Variants in MBD5 observed in about 807,000 individuals in gnomAD.
MBD5 encodes the protein methyl-CpG binding domain protein 5.
A neutral mutation model predicts 117.3 loss-of-function variants in MBD5; 13 were observed. The observed-to-expected ratio is 0.11, with a 90% CI of 0.07 to 0.18. The LOEUF (loss-of-function observed/expected upper bound fraction) is 0.18. Among genes scored for constraint, MBD5 ranks in the 10% least tolerant of loss-of-function variants. The probability of loss-of-function intolerance (pLI) is 1.00; values close to 1 mark genes in which losing one functional copy is unlikely to be tolerated. For synonymous variants in MBD5, 727 were observed against 766.4 expected (o/e 0.95, Z 0.85); for missense variants, 1,879 against 2,093.8 (o/e 0.90, Z 2.00).
chr2:148,221,656 A>G (rs1699689970), intron 2 of MBD5, among the ~76,000 whole-genome samples: 1 of 152,044 alleles, frequency 6.6e-6, no homozygotes, highest in Admixed American at 6.6e-5. Context: ...TATTCTAGTT[A>G]TTAACCCCTA....
intron 1 of MBD5, among the ~76,000 whole-genome samples, chr2:148,163,421 A>C (rs1024380870): frequency 5.3e-5 from 8 of 152,118 alleles, no homozygotes; most frequent in Admixed American, 4.6e-4. Flanking sequence ...TTGAGAATTA[A>C]ATAACTTTTT....
At chr2:148,149,732 T>C (rs1176156663) in intron 1 of MBD5, among the ~76,000 whole-genome samples, 1 of 152,216 alleles carries the variant, frequency 6.6e-6, no homozygotes, top group East Asian at 1.9e-4. Context: ...GCTGCATAAA[T>C]GTCTTCTTTT....
intron 4 of MBD5, among the ~76,000 whole-genome samples, chr2:148,454,843 G>A (rs966432381): frequency 2.6e-5 from 4 of 152,056 alleles, no homozygotes; most frequent in African/African-American, 4.8e-5. Context: ...TTGAAAAAAA[G>A]CATATCAATG....
At chr2:148,155,866 G>T (rs548469391) in intron 1 of MBD5, among the ~76,000 whole-genome samples, 3 of 152,208 alleles carry the variant, frequency 2.0e-5, no homozygotes, top group Non-Finnish European at 4.4e-5. Context: ...CACATGGGAG[G>T]CTGGTAGCTC....
chr2:148,231,463 A>C (rs974343015), intron 2 of MBD5, among the ~76,000 whole-genome samples: 2 of 151,970 alleles, frequency 1.3e-5, no homozygotes, highest in Non-Finnish European at 2.9e-5. Context: ...TGTTTTTCCT[A>C]CCTGTTCAGT....
chr2:148,393,747 C>G (rs1019922166), intron 4 of MBD5, among the ~76,000 whole-genome samples: 1 of 152,114 alleles, frequency 6.6e-6, no homozygotes, highest in African/African-American at 2.4e-5. Flanking sequence ...AGTTTACCAA[C>G]TTTGATAGAC....
chr2:148,368,177 G>T (rs1456256191), intron 4 of MBD5, among the ~76,000 whole-genome samples: 1 of 152,066 alleles, frequency 6.6e-6, no homozygotes, highest in African/African-American at 2.4e-5. Flanking sequence ...TCCTCTGCAG[G>T]GTCATGGATG....
intron 8 of MBD5, chr2:148,481,884 A>G (rs1046290049): frequency 3.9e-5 from 6 of 152,154 alleles, no homozygotes; most frequent in Non-Finnish European, 8.8e-5. Context: ...AAATAAGTGA[A>G]ATTTTATCTT....
chr2:148,458,860 G>A lies in MBD5; in HGVS notation c.102G>A (p.Val34=). The change falls in exon 5 of 14, where the codon GTG becomes GTA. Residue 34 remains valine (V), a synonymous_variant. Transcript: ENST00000642680. ...GWQRRVDQNG[V]LYVSPSGSLL... is the part of the protein sequence containing the mutation. ...AGCGTCGTGTGGATCAAAATGGAGT[G>A]CTTTATGTCAGGTAAGTTCTTATTA... The A allele has an allele frequency of 6.2e-7, 1 of 1,612,702 alleles. No homozygotes were observed. Among genetic ancestry groups the A allele is most frequent in the Non-Finnish European group, 8.5e-7 (1 of 1,179,140 alleles).
intron 1 of MBD5, among the ~76,000 whole-genome samples, chr2:148,170,051 A>C (rs1698227319): frequency 1.3e-5 from 2 of 151,874 alleles, no homozygotes; most frequent in Non-Finnish European, 2.9e-5. Context: ...GCGCCCACCA[A>C]CACACCTGGC....
intron 1 of MBD5, among the ~76,000 whole-genome samples, chr2:148,163,446 A>G (rs910897535): frequency 4.0e-5 from 6 of 151,698 alleles, no homozygotes; most frequent in Non-Finnish European, 8.8e-5. Flanking sequence ...TTCAAGACGG[A>G]GTTTCGCTCT....
intron 3 of MBD5, among the ~76,000 whole-genome samples, chr2:148,316,348 G>A (rs942797638): frequency 6.6e-6 from 1 of 152,158 alleles, no homozygotes; most frequent in African/African-American, 2.4e-5. Flanking sequence ...GTATGAGTAG[G>A]TCTTGTAAAT....
intron 3 of MBD5, among the ~76,000 whole-genome samples, chr2:148,235,085 C>G (rs929033347): frequency 1.3e-5 from 2 of 152,084 alleles, no homozygotes; most frequent in Non-Finnish European, 2.9e-5. Context: ...TAACTCACAC[C>G]TATGCTCCTT....
intron 2 of MBD5, among the ~76,000 whole-genome samples, chr2:148,195,279 A>G (rs1273020652): frequency 1.3e-5 from 2 of 152,170 alleles, no homozygotes; most frequent in African/African-American, 4.8e-5. Context: ...TAATATGAGA[A>G]AAAGTATATG....
chr2:148,212,071 A>G (rs1323509539), intron 2 of MBD5, among the ~76,000 whole-genome samples: 1 of 152,192 alleles, frequency 6.6e-6, no homozygotes, highest in African/African-American at 2.4e-5. Context: ...TTTTAAAGAA[A>G]AGAACAGCTT....
intron 3 of MBD5, among the ~76,000 whole-genome samples, chr2:148,300,052 A>G (rs1051461453): frequency 6.6e-6 from 1 of 151,822 alleles, no homozygotes; most frequent in African/African-American, 2.4e-5. Context: ...AAGTGACTAC[A>G]TTTGGGGATT....
chr2:148,351,385 G>A (rs907412213), intron 4 of MBD5, among the ~76,000 whole-genome samples: 1 of 151,936 alleles, frequency 6.6e-6, no homozygotes, highest in Non-Finnish European at 1.5e-5. Context: ...TGACCGGCTT[G>A]ATTTACTTAA....
chr2:148,061,982 A>G (rs1402733186), intron 1 of MBD5, among the ~76,000 whole-genome samples: 1 of 148,894 alleles, frequency 6.7e-6, no homozygotes, highest in Non-Finnish European at 1.5e-5. Context: ...CCTTTTCTTT[A>G]CATCTATAGA....
chr2:148,487,720 A>G (rs1461247576), intron 10 of MBD5, among the ~76,000 whole-genome samples: 1 of 152,064 alleles, frequency 6.6e-6, no homozygotes, highest in African/African-American at 2.4e-5. Context: ...AGATTAAAGA[A>G]GTAGATTTTA....
Sources: allele counts gnomAD v4.1 joint callset (sites outside exome capture counted in the v4.1 genomes callset), GRCh38; gene constraint gnomAD v4.1.1; transcripts MANE v1.5; gene names NCBI Gene and HGNC (gene_info 2026-07-23, HGNC 2026-07-21).